DYNC1I2: variants seen among roughly 807,000 people sequenced by gnomAD.
DYNC1I2 encodes cytoplasmic dynein 1 intermediate chain 2.
In DYNC1I2, 53 loss-of-function variants were observed where a neutral mutation model predicts 88.6. The observed-to-expected ratio is 0.60, with a 90% confidence interval of 0.48 to 0.75. The LOEUF (loss-of-function observed/expected upper bound fraction) is 0.75, where lower values mean the gene tolerates loss of function less well. Among genes scored for constraint, DYNC1I2 ranks in the 30% least tolerant of loss-of-function variants. The probability of loss-of-function intolerance (pLI) is 0.00; values close to 1 mark genes in which losing one functional copy is unlikely to be tolerated. For missense variants in DYNC1I2, 458 were observed against 766.6 expected, an observed-to-expected ratio of 0.60 and a Z score of 4.75; for synonymous variants, 198 against 254.6, an observed-to-expected ratio of 0.78 and a Z score of 2.12.
At chr2:171,718,197 A>T (rs1687650731) in intron 7 of DYNC1I2, among the ~76,000 whole-genome samples, 1 of 152,132 alleles carries the variant, frequency 6.6e-6, no homozygotes, top group South Asian at 2.1e-4. Context: ...GCCTTAAGTG[A>T]TCTGCCCGCC....
intron 5 of DYNC1I2, among the ~76,000 whole-genome samples, chr2:171,710,850 G>A (rs1430874641): frequency 6.6e-6 from 1 of 150,956 alleles, no homozygotes; most frequent in East Asian, 1.9e-4. Context: ...TTGCAGGTGT[G>A]TGTCACCATA....
chr2:171,745,294 A>G (rs1049365243), intron 16 of DYNC1I2, among the ~76,000 whole-genome samples: 1 of 152,144 alleles, frequency 6.6e-6, no homozygotes, highest in Non-Finnish European at 1.5e-5. Context: ...TCATGGAACA[A>G]GAGGCTTTAG....
At chr2:171,703,866 G>T (rs773788561) in intron 3 of DYNC1I2, among the ~76,000 whole-genome samples, 7 of 152,156 alleles carry the variant, frequency 4.6e-5, no homozygotes, top group Non-Finnish European at 1.0e-4. Flanking sequence ...GACCTTAGAA[G>T]AGACTTCACA....
At chr2:171,712,850 C>T (rs772070742) in intron 6 of DYNC1I2, 24 bp downstream of exon 6, 2 of 1,589,964 alleles carry the variant, frequency 1.3e-6, no homozygotes, top group Admixed American at 1.7e-5. Flanking sequence ...TTTTTACCTT[C>T]CCTGTTTTAT....
chr2:171,726,925 GT>G lies in DYNC1I2; in HGVS notation c.996+10del. 6.3e-7 allele frequency: 1 copy of G among 1,599,178 alleles called. No homozygotes were observed. The highest frequency in any genetic ancestry group is 1.1e-5 in the South Asian group (1 of 88,546). On this transcript the variant is annotated intron_variant, in intron 11 of 17. Coordinates refer to ENST00000397119, the MANE Select transcript of DYNC1I2 (RefSeq NM_001378.3). ...ATGTGTTTCACTGCCAGGTATGGTG[GT>G]CTTTTAACAGTCTTCGCCTCAAGTT...
intron 15 of DYNC1I2, among the ~76,000 whole-genome samples, chr2:171,731,480 C>T (rs1688607026): frequency 6.6e-6 from 1 of 152,170 alleles, no homozygotes; most frequent in African/African-American, 2.4e-5. Flanking sequence ...TGGCCGGGCT[C>T]AGTGGCTCAC....
chr2:171,728,659 C>T (rs1361321454), intron 13 of DYNC1I2, 58 bp from the exon 14 acceptor site: 2 of 1,405,148 alleles, frequency 1.4e-6, no homozygotes, highest in Non-Finnish European at 1.9e-6. Context: ...AGAAGTTTTT[C>T]TACAGAAATT....
chr2:171,716,980 T>C (rs1380140669), intron 7 of DYNC1I2, among the ~76,000 whole-genome samples: 2 of 152,160 alleles, frequency 1.3e-5, no homozygotes. Context: ...ACAGACACTT[T>C]TAACTACTCT....
rs930436473 is a variant in DYNC1I2 at position 171,749,246 on chromosome 2, C to T, written c.*1357C>T. ...AGTGTGATTTTAGCCAAGTCTGTGC[C>T]GCATTCTTTATATGTAGGAATTAAG... is the stretch of plus-strand genomic sequence containing the variant. On this transcript the variant is annotated 3_prime_UTR_variant, in exon 18 of 18. Transcript: ENST00000397119. 7.9e-5 allele frequency among the ~76,000 whole-genome samples: 12 copies of T among 152,044 alleles called. No homozygotes were observed. The highest frequency in any genetic ancestry group is 7.7e-4 in the East Asian group (4 of 5,198).
intron 3 of DYNC1I2, among the ~76,000 whole-genome samples, chr2:171,696,958 A>G (rs565278549): frequency 7.9e-5 from 12 of 152,202 alleles, no homozygotes; most frequent in African/African-American, 2.9e-4. Flanking sequence ...GCTGTACCAT[A>G]CATACATTGC....
At chr2:171,742,538 T>C (rs1689515884) in intron 15 of DYNC1I2, among the ~76,000 whole-genome samples, 1 of 152,200 alleles carries the variant, frequency 6.6e-6, no homozygotes, top group Non-Finnish European at 1.5e-5. Context: ...GACTATTCCT[T>C]TCCTATCTAA....
At chr2:171,729,511 AG>A (rs1688468251) in intron 14 of DYNC1I2, among the ~76,000 whole-genome samples, 197 bp from the exon 15 acceptor site, 1 of 152,212 alleles carries the variant, frequency 6.6e-6, no homozygotes, top group Non-Finnish European at 1.5e-5. Flanking sequence ...ACAGTTCCAA[AG>A]GTACTTATTG....
intron 17 of DYNC1I2, among the ~76,000 whole-genome samples, 179 bp downstream of exon 17, chr2:171,746,106 A>G (rs1689760456): frequency 6.6e-6 from 1 of 152,216 alleles, no homozygotes; most frequent in African/African-American, 2.4e-5. Flanking sequence ...TCTAAACCGA[A>G]TGTTCTGTTT....
At chr2:171,702,146 T>C (rs1686309801) in intron 3 of DYNC1I2, among the ~76,000 whole-genome samples, 1 of 152,230 alleles carries the variant, frequency 6.6e-6, no homozygotes, top group South Asian at 2.1e-4. Context: ...TTTCTCCAAA[T>C]AGCTATGAAC....
chr2:171,710,120 TATACACACACACAC>T (rs1218415612), intron 5 of DYNC1I2, among the ~76,000 whole-genome samples: 59 of 95,772 alleles, frequency 6.2e-4, no homozygotes, highest in Admixed American at 3.6e-3. Flanking sequence ...TTTATGTATA[TATACACACACACAC>T]ACACACACAC....
intron 15 of DYNC1I2, among the ~76,000 whole-genome samples, chr2:171,742,291 G>A (rs1268099576): frequency 6.6e-6 from 1 of 151,936 alleles, no homozygotes. Context: ...ACCCATCTCA[G>A]CCCCCAGGGT....
chr2:171,697,415 G>A lies in DYNC1I2; in HGVS notation c.226+4521G>A, dbSNP rs74502467. Among the ~76,000 whole-genome samples the A allele has an allele frequency of 4.8e-4, 73 of 152,292 alleles. No homozygotes were observed. In the East Asian group the frequency reaches 0.014, roughly 29 times the overall value. The stretch of plus-strand genomic sequence containing the variant: ...AAGAGGGTGGGCCAATTGGTTTGTA[G>A]ACTGTCTCCCCTCCTGGGTTTGTCT... On this transcript the variant is annotated intron_variant, in intron 3 of 17. Coordinates refer to ENST00000397119, the MANE Select transcript of DYNC1I2 (RefSeq NM_001378.3).
intron 7 of DYNC1I2, among the ~76,000 whole-genome samples, chr2:171,716,090 G>A (rs1687472503): frequency 6.6e-6 from 1 of 151,892 alleles, no homozygotes; most frequent in African/African-American, 2.4e-5. Context: ...TTCCCAGTGA[G>A]GCTAATGAAT....
chr2:171,726,290 T>G lies in DYNC1I2; in HGVS notation c.867T>G (p.Ser289=). ...HRVVSCLDWS[S]QYPELLVASY... is the part of the protein sequence containing the mutation. ...TGGTTAGTTGTTTGGATTGGTCATC[T>G]CAGGTAAAATATAACAAAATAGGCC... is the stretch of plus-strand genomic sequence containing the variant. Residue 289 remains serine, a synonymous_variant, in exon 10 of 18, where the codon TCT becomes TCG. Transcript: ENST00000397119. The G allele has an allele frequency of 6.2e-7, 1 of 1,604,618 alleles. No individual in the cohort carries two copies. The highest frequency in any genetic ancestry group is 8.5e-7 in the Non-Finnish European group (1 of 1,176,666).
Sources: allele counts gnomAD v4.1 joint callset (sites outside exome capture counted in the v4.1 genomes callset), GRCh38; gene constraint gnomAD v4.1.1; transcripts MANE v1.5; gene names NCBI Gene and HGNC (gene_info 2026-07-23, HGNC 2026-07-21).